Variants in PAK5 observed in about 807,000 individuals in gnomAD.
PAK5 encodes the protein p21 (RAC1) activated kinase 5.
Under a neutral mutation model 65.9 loss-of-function variants are expected in PAK5, and 16 were observed. That is an observed-to-expected ratio of 0.24 (90% CI 0.16 to 0.37). PAK5 has a LOEUF of 0.37. Among genes scored for constraint, PAK5 ranks in the 10% least tolerant of loss-of-function variants. The pLI is 1.00. For synonymous variants in PAK5, 371 were observed against 354.9 expected (o/e 1.05, Z -0.51); for missense variants, 785 against 903.9 (o/e 0.87, Z 1.69).
At chr20:9,745,489 A>T (rs1435140309) in intron 1 of PAK5, among the ~76,000 whole-genome samples, 1 of 152,152 alleles carries the variant, frequency 6.6e-6, no homozygotes, top group Non-Finnish European at 1.5e-5. Context: ...ATAGGTGGTC[A>T]ATTTAATACC....
At chr20:9,756,858 C>G (rs989584570) in intron 1 of PAK5, among the ~76,000 whole-genome samples, 3 of 152,138 alleles carry the variant, frequency 2.0e-5, no homozygotes, top group African/African-American at 7.2e-5. Flanking sequence ...GGGCCTTTAT[C>G]TCACTATGGG....
At chr20:9,789,618 C>G (rs1454255032) in intron 1 of PAK5, among the ~76,000 whole-genome samples, 1 of 152,100 alleles carries the variant, frequency 6.6e-6, no homozygotes, top group Non-Finnish European at 1.5e-5. Flanking sequence ...CAGGAAGGGT[C>G]CACAACACTT....
chr20:9,787,619 A>ATGTGTGTG (rs3061911), intron 1 of PAK5, among the ~76,000 whole-genome samples: 164 of 146,634 alleles, frequency 1.1e-3, no homozygotes, highest in African/African-American at 3.8e-3. Context: ...TATGAAAAGG[A>ATGTGTGTG]TGTGTGTGTG....
At chr20:9,597,208 G>A (rs563585180) in intron 3 of PAK5, among the ~76,000 whole-genome samples, 1 of 152,276 alleles carries the variant, frequency 6.6e-6, no homozygotes, top group South Asian at 2.1e-4. Context: ...TACTGAGAGG[G>A]TTTCCCTGGC....
At chr20:9,675,033 C>A (rs2047550266) in intron 2 of PAK5, among the ~76,000 whole-genome samples, 1 of 152,152 alleles carries the variant, frequency 6.6e-6, no homozygotes, top group Non-Finnish European at 1.5e-5. Context: ...ACAACATCTG[C>A]TGCACAATTC....
At chr20:9,674,531 T>C (rs1170348897) in intron 2 of PAK5, among the ~76,000 whole-genome samples, 1 of 152,140 alleles carries the variant, frequency 6.6e-6, no homozygotes, top group Non-Finnish European at 1.5e-5. Context: ...CTTAACTGAT[T>C]TTGTTATTTG....
At chr20:9,756,466 C>T (rs1456916108) in intron 1 of PAK5, among the ~76,000 whole-genome samples, 5 of 152,108 alleles carry the variant, frequency 3.3e-5, no homozygotes, top group Non-Finnish European at 7.4e-5. Flanking sequence ...ACAGTAGCCA[C>T]ACACCACCCC....
At chr20:9,722,942 G>A (rs2048234691) in intron 1 of PAK5, among the ~76,000 whole-genome samples, 1 of 151,952 alleles carries the variant, frequency 6.6e-6, no homozygotes, top group African/African-American at 2.4e-5. Context: ...TCCCAGCCAG[G>A]CTGGTCTTGA....
intron 7 of PAK5, 77 bp from the exon 8 acceptor site, chr20:9,544,571 G>T: frequency 2.9e-6 from 4 of 1,383,888 alleles, no homozygotes; most frequent in Non-Finnish European, 4.1e-6. Flanking sequence ...AACATACAGA[G>T]TTTCAAATTT....
intron 3 of PAK5, among the ~76,000 whole-genome samples, chr20:9,585,552 T>C (rs73895915): frequency 0.054 from 8,230 of 152,310 alleles, 758 homozygotes; most frequent in African/African-American, 0.19. Context: ...AATTAGTTGC[T>C]GAATGTACGG....
chr20:9,646,739 G>A (rs992455720), intron 2 of PAK5, among the ~76,000 whole-genome samples: 1 of 152,206 alleles, frequency 6.6e-6, no homozygotes, highest in African/African-American at 2.4e-5. Flanking sequence ...CACTGTGCCT[G>A]CACACTGTGG....
chr20:9,611,666 T>C (rs562550306), intron 3 of PAK5, among the ~76,000 whole-genome samples: 1 of 152,220 alleles, frequency 6.6e-6, no homozygotes, highest in Non-Finnish European at 1.5e-5. Context: ...TTTGTTTTTA[T>C]TGTTGTTCTT....
At chr20:9,739,317 C>G (rs2048425646) in intron 1 of PAK5, among the ~76,000 whole-genome samples, 1 of 150,860 alleles carries the variant, frequency 6.6e-6, no homozygotes, top group Non-Finnish European at 1.5e-5. Flanking sequence ...AATAACCAAA[C>G]ATTCCAGCTG....
chr20:9,796,084 C>G (rs6077600), intron 1 of PAK5, among the ~76,000 whole-genome samples: 73,267 of 151,742 alleles, frequency 0.48, 18,027 homozygotes, highest in Admixed American at 0.54. Flanking sequence ...AGTCCCCCAA[C>G]AAATACCATT....
intron 1 of PAK5, among the ~76,000 whole-genome samples, chr20:9,792,306 C>T (rs2049058267): frequency 6.6e-6 from 1 of 152,024 alleles, no homozygotes; most frequent in Non-Finnish European, 1.5e-5. Context: ...TCTAAGATAC[C>T]ATGTCTAAGG....
At chr20:9,634,271 G>A (rs1219683969) in intron 3 of PAK5, among the ~76,000 whole-genome samples, 1 of 152,204 alleles carries the variant, frequency 6.6e-6, no homozygotes. Flanking sequence ...TGGGTACCAG[G>A]ATGGCCCTGC....
intron 3 of PAK5, among the ~76,000 whole-genome samples, chr20:9,638,109 C>T (rs1390954707): frequency 5.9e-5 from 9 of 152,050 alleles, no homozygotes; most frequent in Non-Finnish European, 1.3e-4. Context: ...TATAACAAGC[C>T]CCCAGGGAAA....
intron 3 of PAK5, among the ~76,000 whole-genome samples, chr20:9,631,512 T>G (rs1014618740): frequency 3.3e-5 from 5 of 152,208 alleles, no homozygotes; most frequent in African/African-American, 9.7e-5. Flanking sequence ...GAATTCTGAC[T>G]AAATAAGCTT....
At chr20:9,637,008 T>C (rs1163978584) in intron 3 of PAK5, among the ~76,000 whole-genome samples, 1 of 152,180 alleles carries the variant, frequency 6.6e-6, no homozygotes, top group Non-Finnish European at 1.5e-5. Flanking sequence ...GATAAACTTA[T>C]TAATTTACTT....
Sources: gnomAD v4.1 joint callset for allele counts (sites outside exome capture counted in the v4.1 genomes callset) on GRCh38, gnomAD v4.1.1 for gene constraint, MANE v1.5 for transcripts, NCBI Gene and HGNC (gene_info 2026-07-23, HGNC 2026-07-21) for gene names.